PDIA5: variants seen among roughly 807,000 people sequenced by gnomAD.
PDIA5 encodes the protein protein disulfide isomerase family A member 5.
A neutral mutation model predicts 77.6 loss-of-function variants in PDIA5; 58 were observed. The observed-to-expected ratio is 0.75, with a 90% CI of 0.61 to 0.93. The LOEUF (loss-of-function observed/expected upper bound fraction) is 0.93. Among genes scored for constraint, PDIA5 ranks in the 40% least tolerant of loss-of-function variants. The pLI is 0.00. For synonymous variants in PDIA5, 250 were observed against 252.1 expected, an observed-to-expected ratio of 0.99 and a Z score of 0.08; for missense variants, 630 against 647.7, an observed-to-expected ratio of 0.97 and a Z score of 0.30.
At chr3:123,110,084 C>G (rs893417891) in intron 6 of PDIA5, among the ~76,000 whole-genome samples, 3 of 152,206 alleles carry the variant, frequency 2.0e-5, no homozygotes, top group African/African-American at 2.4e-5. Flanking sequence ...GAAATATGCT[C>G]TTATCATCGT....
chr3:123,136,725 C>G (rs1209161080), intron 11 of PDIA5, among the ~76,000 whole-genome samples: 1 of 71,530 alleles, frequency 1.4e-5, no homozygotes, highest in Non-Finnish European at 2.5e-5. Flanking sequence ...GGTGACAAGA[C>G]AAAAAAAAAA....
At chr3:123,151,742 G>GCCTGCCTT (rs1213023234) in intron 14 of PDIA5, among the ~76,000 whole-genome samples, 2 of 82,472 alleles carry the variant, frequency 2.4e-5, no homozygotes, top group Admixed American at 1.1e-4. Context: ...CTTCCTGCCT[G>GCCTGCCTT]CCTGCCTGCC....
chr3:123,111,426 CGCATCCTCTGCTG>C (rs1442265927), intron 7 of PDIA5, among the ~76,000 whole-genome samples: 2 of 152,230 alleles, frequency 1.3e-5, no homozygotes, highest in African/African-American at 4.8e-5. Context: ...CTCTGGCTCC[CGCATCCTCTGCTG>C]GCATCCTCTG....
At chr3:123,131,922 T>C (rs1344236968) in intron 11 of PDIA5, among the ~76,000 whole-genome samples, 3 of 152,106 alleles carry the variant, frequency 2.0e-5, no homozygotes, top group Admixed American at 6.5e-5. Flanking sequence ...CAGTGCCTCA[T>C]GGAGCAGGGC....
intron 7 of PDIA5, among the ~76,000 whole-genome samples, chr3:123,115,083 G>T (rs1934964702): frequency 6.6e-6 from 1 of 152,196 alleles, no homozygotes; most frequent in South Asian, 2.1e-4. Flanking sequence ...GATTGGAGCT[G>T]GGCTGCCTGT....
intron 11 of PDIA5, 86 bp downstream of exon 11, chr3:123,130,702 A>AAGCACTT: frequency 6.7e-7 from 1 of 1,492,452 alleles, no homozygotes; most frequent in Non-Finnish European, 9.2e-7. Context: ...TGAACCCAGG[A>AAGCACTT]AGCACTTATT....
At chr3:123,083,212 T>TGGGGGGGGGGGGGGGGGGGGGGG (rs1934056162) in intron 1 of PDIA5, among the ~76,000 whole-genome samples, 1 of 13,848 alleles carries the variant, frequency 7.2e-5, no homozygotes, top group Non-Finnish European at 1.4e-4. Context: ...GTGCTCGGGG[T>TGGGGGGGGGGGGGGGGGGGGGGG]GGGGGAGGGG....
chr3:123,131,712 G>A (rs189212266), intron 11 of PDIA5, among the ~76,000 whole-genome samples: 2 of 151,638 alleles, frequency 1.3e-5, no homozygotes, highest in African/African-American at 4.8e-5. Context: ...TGCGATAAGG[G>A]CTGGAAGGCC....
At chr3:123,072,620 G>T (rs1048997320) in intron 1 of PDIA5, among the ~76,000 whole-genome samples, 3 of 152,184 alleles carry the variant, frequency 2.0e-5, no homozygotes, top group African/African-American at 7.2e-5. Flanking sequence ...CAGGTAGGGG[G>T]GGTGGTGCAG....
rs888957325 is a variant in PDIA5 at position 123,095,014 on chromosome 3, C to T, written c.257+2572C>T. ...CTGCTCCAGTGTTGAGGTGTCTTTG[C>T]AGGTGTGTGGAATAAGGGAGAAAGC... On this transcript the variant is annotated intron_variant, in intron 3 of 16. Coordinates refer to ENST00000316218, the MANE Select transcript of PDIA5 (RefSeq NM_006810.4). 3.9e-5 allele frequency among the ~76,000 whole-genome samples: 6 copies of T among 152,106 alleles called. 1 individual carries two copies. Among genetic ancestry groups the T allele is most frequent in the African/African-American group, 1.2e-4 (5 of 41,400 alleles).
chr3:123,071,039 C>A (rs1933711056), intron 1 of PDIA5, among the ~76,000 whole-genome samples: 1 of 151,850 alleles, frequency 6.6e-6, no homozygotes, highest in South Asian at 2.1e-4. Flanking sequence ...TTACAGCATC[C>A]CTTTGAAAAA....
At chr3:123,115,667 C>A (rs1378760035) in intron 7 of PDIA5, among the ~76,000 whole-genome samples, 1 of 152,248 alleles carries the variant, frequency 6.6e-6, no homozygotes, top group Non-Finnish European at 1.5e-5. Flanking sequence ...ACGCTCTTCC[C>A]ACAGGCCAGA....
chr3:123,153,337 C>T (rs1338282937), intron 14 of PDIA5, among the ~76,000 whole-genome samples: 1 of 152,226 alleles, frequency 6.6e-6, no homozygotes, highest in African/African-American at 2.4e-5. Context: ...CCTGCAGCTG[C>T]CTGCAGGAGC....
intron 1 of PDIA5, among the ~76,000 whole-genome samples, chr3:123,076,120 A>G (rs1488099154): frequency 2.0e-5 from 3 of 152,126 alleles, no homozygotes; most frequent in Non-Finnish European, 4.4e-5. Flanking sequence ...TGGAAGGGAC[A>G]GCAGACTTGC....
At chr3:123,130,389 A>G (rs1404690255) in intron 10 of PDIA5, 91 bp from the exon 11 acceptor site, 2 of 1,414,110 alleles carry the variant, frequency 1.4e-6, no homozygotes, top group Non-Finnish European at 1.9e-6. Context: ...TCCCGAGCCC[A>G]TGGGGAGCTT....
In PDIA5 at chr3:123,161,916, G is replaced by C; in HGVS notation, c.1516G>C (p.Glu506Gln). 1 of 1,606,932 alleles carries C rather than the reference G, an allele frequency of 6.2e-7. No individual in the cohort carries two copies. The highest frequency in any genetic ancestry group is 8.5e-7 in the Non-Finnish European group (1 of 1,173,750). ...TACCAATTATATTCGAGCCCTCCGG[G>C]AGGGAGACCATGAAAGACTAGGGAA... ...GFTNYIRALREGDHERLGKKK... is the reference protein window; with the variant it reads ...GFTNYIRALRQGDHERLGKKK... The change falls in exon 17 of 17, where the codon GAG becomes CAG. Residue 506 changes from glutamate to glutamine, a missense_variant. Glu to Gln is a conservative substitution (Grantham distance 29). Transcript: ENST00000316218.
chr3:123,076,870 G>A (rs955316294), intron 1 of PDIA5, among the ~76,000 whole-genome samples: 2 of 152,186 alleles, frequency 1.3e-5, no homozygotes, highest in African/African-American at 4.8e-5. Flanking sequence ...TTAAGTCCTG[G>A]CTAAATGCAC....
chr3:123,134,492 T>C (rs1935445480), intron 11 of PDIA5, among the ~76,000 whole-genome samples: 1 of 152,058 alleles, frequency 6.6e-6, no homozygotes, highest in South Asian at 2.1e-4. Flanking sequence ...CCCCTCCCCG[T>C]TCTGTGTTAC....
chr3:123,086,808 C>T (rs1338577863), intron 1 of PDIA5, among the ~76,000 whole-genome samples: 1 of 152,176 alleles, frequency 6.6e-6, no homozygotes, highest in Non-Finnish European at 1.5e-5. Flanking sequence ...GTCCCAGTAT[C>T]TTTCTGAGAA....
Sources: allele counts gnomAD v4.1 joint callset (sites outside exome capture counted in the v4.1 genomes callset), GRCh38; gene constraint gnomAD v4.1.1; transcripts MANE v1.5; gene names NCBI Gene and HGNC (gene_info 2026-07-23, HGNC 2026-07-21).